The following PEX11B variants were observed in gnomAD, a reference collection of about 807,000 sequenced individuals.
The protein encoded by PEX11B is peroxisomal membrane protein 11B.
In PEX11B, 18 loss-of-function variants were observed where a neutral mutation model predicts 28.2. The ratio of observed to expected loss-of-function variants is 0.64; its 90% CI spans 0.44 to 0.95. The LOEUF is 0.95. PEX11B is among the 40% of genes least tolerant of loss of function. The pLI is 0.00. For missense variants in PEX11B, 305 were observed against 319.8 expected, an observed-to-expected ratio of 0.95 and a Z score of 0.35; for synonymous variants, 128 against 128.7, an observed-to-expected ratio of 0.99 and a Z score of 0.04.
intron 1 of PEX11B, 96 bp downstream of exon 1, chr1:145,918,537 C>CT: frequency 2.6e-6 from 4 of 1,544,562 alleles, no homozygotes; most frequent in Non-Finnish European, 3.5e-6. Flanking sequence ...GTTGACCCTT[C>CT]TTGACCCCCC....
Position 145,916,908 on chromosome 1 carries a change from A to C in PEX11B, c.283T>G (p.Leu95Val), listed in dbSNP as rs781862233. 6.2e-7 allele frequency: 1 copy of C among 1,613,996 alleles called. No homozygotes were observed. Among genetic ancestry groups the C allele is most frequent in the South Asian group, 1.1e-5 (1 of 91,082 alleles). Residue 95 changes from leucine (L) to valine (V), a missense_variant, in exon 3 of 4, where the codon TTG becomes GTG. Transcript: ENST00000369306. ...AGGACATTGTCACAGGCGAAGTACA[A>C]GGCTCGATTGAGGTGACTAACAGTG... ...CITVSHLNRA[L>V]YFACDNVLWA...
chr1:145,912,416 TCC>T lies in PEX11B; in HGVS notation c.523_524del (p.Gly175ThrfsTer27). The T allele has an allele frequency of 6.3e-7, 1 of 1,578,694 alleles. No individual in the cohort carries two copies. The highest frequency in any genetic ancestry group is 8.6e-7 in the Non-Finnish European group (1 of 1,161,634). On this transcript the variant is annotated frameshift_variant, in exon 4 of 4. Transcript: ENST00000369306. LOFTEE classifies it high-confidence loss of function. ...PGGSETGGLG[G>X]PGTPGGGLPQ... ...GCAGACCTCCTCCTGGAGTCCCTGG[TCC>T]CCCAAGTCCCCCAGTTTCACTTCCT...
intron 3 of PEX11B, among the ~76,000 whole-genome samples, chr1:145,913,114 T>C (rs1459830040): frequency 3.4e-5 from 5 of 147,620 alleles, no homozygotes; most frequent in South Asian, 2.1e-4. Flanking sequence ...GGCTAACTCA[T>C]AGGGGCACAG....
intron 1 of PEX11B, 78 bp from the exon 2 acceptor site, chr1:145,917,894 C>CA (rs1159489207): frequency 7.1e-7 from 1 of 1,413,912 alleles, no homozygotes; most frequent in Non-Finnish European, 9.7e-7. Flanking sequence ...AAGGCACAGA[C>CA]AGACTTCCCC....
rs1206696233 is a variant in PEX11B at position 145,911,657 on chromosome 1, A to T, written c.*504T>A. The stretch of plus-strand genomic sequence containing the variant: ...CCAACAACTTGTGGTGCAGAGATAT[A>T]AGGGAAGAGTCCACTGGCACATAGT... On this transcript the variant is annotated 3_prime_UTR_variant, in exon 4 of 4. Coordinates refer to ENST00000369306, the MANE Select transcript of PEX11B (RefSeq NM_003846.3). 1.2e-5 allele frequency: 2 copies of T among 162,842 alleles called. No homozygotes were observed. Among genetic ancestry groups the T allele is most frequent in the Non-Finnish European group, 2.7e-5 (2 of 72,770 alleles). The allele number at this position is 162,842 out of a possible 1,614,324, so 10.1% of individuals were successfully genotyped here.
chr1:145,917,940 A>G, intron 1 of PEX11B, 124 bp from the exon 2 acceptor site: 1 of 1,411,760 alleles, frequency 7.1e-7, no homozygotes, highest in East Asian at 2.5e-5. Flanking sequence ...TTCCTCCTCC[A>G]TGCCCATATC....
intron 1 of PEX11B, 196 bp from the exon 2 acceptor site, chr1:145,918,012 G>A (rs1209591908): frequency 1.0e-6 from 1 of 984,186 alleles, no homozygotes; most frequent in Non-Finnish European, 1.2e-6. Flanking sequence ...TCTAGAAAGG[G>A]GTGGGGAGCA....
rs1657802359 is a variant in PEX11B at position 145,911,823 on chromosome 1, G to A, written c.*338C>T. The A allele has an allele frequency of 5.7e-6, 1 of 175,348 alleles. No individual in the cohort carries two copies. Among genetic ancestry groups the A allele is most frequent in the South Asian group, 1.9e-4 (1 of 5,188 alleles). The allele number at this position is 175,348 out of a possible 1,614,324, so 10.9% of individuals were successfully genotyped here. A position where few individuals can be genotyped will look rare whatever the true frequency, so the allele number is the denominator to read the frequency against. ...AAGTAATTCTGCTGATTAAATCCCT[G>A]GATAGGAGAATGAGAAGGTTGAAAA... On this transcript the variant is annotated 3_prime_UTR_variant, in exon 4 of 4. Coordinates refer to ENST00000369306, the MANE Select transcript of PEX11B (RefSeq NM_003846.3).
chr1:145,916,993 ATC>A lies in PEX11B; in HGVS notation c.196_197del (p.Asp66CysfsTer3). On this transcript the variant is annotated frameshift_variant, in exon 3 of 4. Transcript: ENST00000369306. LOFTEE classifies it high-confidence loss of function. ...CAGCTCTTTTGGCTGACTCAAGGGC[ATC>A]TGCTGAGTTACCCAGGCGTAGAACT... ...RKLLRLGNSA[D>X]ALESAKRAVH... is the part of the protein sequence containing the mutation. The A allele has an allele frequency of 6.2e-7, 1 of 1,613,086 alleles. No homozygotes were observed. The highest frequency in any genetic ancestry group is 8.5e-7 in the Non-Finnish European group (1 of 1,178,978).
rs1647560636 is a variant in PEX11B at position 145,918,632 on chromosome 1, C to T, written c.56+1G>A. Reference sequence around the variant, plus strand: ...CACCCCCATTCCTATTCGGGCCGCACCTACACAGCCGCTCCCGGGCTTGGC... The same window carrying T: ...CACCCCCATTCCTATTCGGGCCGCATCTACACAGCCGCTCCCGGGCTTGGC... On this transcript the variant is annotated splice_donor_variant, in intron 1 of 3. Coordinates refer to ENST00000369306, the MANE Select transcript of PEX11B (RefSeq NM_003846.3). LOFTEE classifies it high-confidence loss of function. The T allele has an allele frequency of 6.3e-7, 1 of 1,594,312 alleles. No individual in the cohort carries two copies. The highest frequency in any genetic ancestry group is 8.5e-7 in the Non-Finnish European group (1 of 1,171,418).
intron 1 of PEX11B, 76 bp from the exon 2 acceptor site, chr1:145,917,892 G>T: frequency 7.0e-7 from 1 of 1,420,734 alleles, no homozygotes; most frequent in South Asian, 1.2e-5. Context: ...AAAAGGCACA[G>T]ACAGACTTCC....
intron 3 of PEX11B, among the ~76,000 whole-genome samples, chr1:145,914,908 T>C (rs1553753689): frequency 6.6e-6 from 1 of 152,214 alleles, no homozygotes; most frequent in African/African-American, 2.4e-5. Context: ...TTGTTTGTCT[T>C]TTCTTTTTTT....
rs151338360 is a variant in PEX11B at position 145,916,900 on chromosome 1, G to A, written c.291C>T (p.Phe97=). 4.4e-5 allele frequency: 71 copies of A among 1,613,958 alleles called. No homozygotes were observed. In the East Asian group the frequency reaches 1.4e-3, roughly 31 times the overall value. The change falls in exon 3 of 4, where the codon TTC becomes TTT. Residue 97 remains phenylalanine (F), a synonymous_variant. Coordinates refer to ENST00000369306, the MANE Select transcript of PEX11B (RefSeq NM_003846.3). ...TVSHLNRALY[F]ACDNVLWAGK... ...CAGCCCACAGGACATTGTCACAGGC[G>A]AAGTACAAGGCTCGATTGAGGTGAC...
In PEX11B at chr1:145,912,423, A is replaced by T; in HGVS notation, c.518T>A (p.Leu173His). Residue 173 changes from leucine (L) to histidine (H), a missense_variant, in exon 4 of 4, where the codon CTT becomes CAT. Coordinates refer to ENST00000369306, the MANE Select transcript of PEX11B (RefSeq NM_003846.3). ...TCCTCCTGGAGTCCCTGGTCCCCCA[A>T]GTCCCCCAGTTTCACTTCCTCCTGG... Reference protein sequence around the residue: ...GVPGGSETGGLGGPGTPGGGL... With the variant: ...GVPGGSETGGHGGPGTPGGGL... 1.3e-6 allele frequency: 2 copies of T among 1,578,468 alleles called. No individual in the cohort carries two copies. Among genetic ancestry groups the T allele is most frequent in the Middle Eastern group, 1.7e-4 (1 of 5,884 alleles).
intron 1 of PEX11B, chr1:145,918,057 T>G (rs1380187488): frequency 2.4e-5 from 24 of 984,858 alleles, no homozygotes; most frequent in Non-Finnish European, 2.8e-5. Flanking sequence ...GATTTGACAA[T>G]GATGAGGCCT....
chr1:145,914,704 A>G (rs1453725485), intron 3 of PEX11B, among the ~76,000 whole-genome samples: 1 of 152,206 alleles, frequency 6.6e-6, no homozygotes, highest in East Asian at 1.9e-4. Flanking sequence ...CTCTTCAGGT[A>G]TGAGCTTAAG....
rs782099006 is a variant in PEX11B at position 145,917,690 on chromosome 1, G to C, written c.172+11C>G. The C allele has an allele frequency of 9.0e-6, 13 of 1,448,776 alleles. No individual in the cohort carries two copies. The highest frequency in any genetic ancestry group is 1.3e-5 in the Non-Finnish European group (13 of 1,029,164). 89.7% of individuals were successfully genotyped at this position (1,448,776 alleles called of 1,614,324 possible). A position where few individuals can be genotyped will look rare whatever the true frequency, so the allele number is the denominator to read the frequency against. ...AGGTTGGGGGATAAAAGGAAAGACA[G>C]AGTTACTTACGCTTTCTTCCAAGGC... is the stretch of plus-strand genomic sequence containing the variant. On this transcript the variant is annotated intron_variant, in intron 2 of 3. Transcript: ENST00000369306.
chr1:145,917,654 G>T, intron 2 of PEX11B, 47 bp downstream of exon 2: 1 of 1,043,966 alleles, frequency 9.6e-7, no homozygotes, highest in Non-Finnish European at 1.5e-6. Context: ...GGTGAGCTGG[G>T]GATGGAGGAA....
At chr1:145,917,073 A>AAGAAAC in intron 2 of PEX11B, 55 bp from the exon 3 acceptor site, 1 of 1,148,116 alleles carries the variant, frequency 8.7e-7, no homozygotes. Context: ...GGCAGATAAC[A>AAGAAAC]AGAAACAGAA....
Sources: gnomAD v4.1 joint callset for allele counts (sites outside exome capture counted in the v4.1 genomes callset) on GRCh38, gnomAD v4.1.1 for gene constraint, MANE v1.5 for transcripts, NCBI Gene and HGNC (gene_info 2026-07-23, HGNC 2026-07-21) for gene names.